The following AK9 variants were observed in gnomAD, a reference collection of about 807,000 sequenced individuals.
AK9 encodes the protein adenylate kinase 9.
Under a neutral mutation model 239.6 loss-of-function variants are expected in AK9, and 191 were observed. The ratio of observed to expected loss-of-function variants is 0.80; its 90% CI spans 0.71 to 0.90. The LOEUF (loss-of-function observed/expected upper bound fraction) is 0.90, where lower values mean the gene tolerates loss of function less well. Among genes scored for constraint, AK9 ranks in the 40% least tolerant of loss-of-function variants. AK9 has a pLI of 0.00. For synonymous variants in AK9, 689 were observed against 721.0 expected (o/e 0.96, Z 0.71); for missense variants, 1,995 against 2,214.7 (o/e 0.90, Z 1.99).
chr6:109,618,858 A>G (rs1794494414), intron 13 of AK9, among the ~76,000 whole-genome samples: 1 of 148,932 alleles, frequency 6.7e-6, no homozygotes, highest in South Asian at 2.3e-4. Context: ...TTGGAGAAAG[A>G]AATCCAAATT....
At chr6:109,513,311 T>A (rs1778940428) in intron 32 of AK9, among the ~76,000 whole-genome samples, 1 of 152,174 alleles carries the variant, frequency 6.6e-6, no homozygotes, top group Non-Finnish European at 1.5e-5. Context: ...TGGATTTGTA[T>A]CCTATATGCC....
intron 21 of AK9, among the ~76,000 whole-genome samples, chr6:109,569,057 G>A (rs917349924): frequency 1.3e-5 from 2 of 152,166 alleles, no homozygotes; most frequent in Admixed American, 6.5e-5. Flanking sequence ...AACCAAAACA[G>A]TATGGTACTG....
intron 32 of AK9, 59 bp downstream of exon 32, chr6:109,514,148 AATTGACCTGCCATGTGC>A (rs1400006268): frequency 3.0e-6 from 4 of 1,347,038 alleles, no homozygotes; most frequent in Non-Finnish European, 4.1e-6. Flanking sequence ...TGTCTTGGTG[AATTGACCTGCCATGTGC>A]ATTGGGTACA....
At chr6:109,587,111 T>C (rs935837990) in intron 17 of AK9, among the ~76,000 whole-genome samples, 1 of 152,166 alleles carries the variant, frequency 6.6e-6, no homozygotes, top group Admixed American at 6.5e-5. Flanking sequence ...TCCATCTTGC[T>C]TTTTGAATTA....
At position 109,550,311 on chromosome 6, in the gene AK9, G is replaced by A. The variant is rs754410584; in HGVS notation, c.2752-9C>T. 1.7e-5 allele frequency: 27 copies of A among 1,594,684 alleles called. No individual in the cohort carries two copies. In the East Asian group the frequency reaches 3.4e-4, roughly 20 times the overall value. On this transcript the variant is annotated splice_polypyrimidine_tract_variant and intron_variant, in intron 24 of 40. Coordinates refer to ENST00000424296, the MANE Select transcript of AK9 (RefSeq NM_001145128.3). ...TTCATTTTATCTTCACCCTAGAAAC[G>A]GTATTCAAAGTTTGGAGAACATTAA... is the stretch of plus-strand genomic sequence containing the variant.
chr6:109,523,141 G>C (rs866472281), intron 29 of AK9, among the ~76,000 whole-genome samples: 2 of 151,996 alleles, frequency 1.3e-5, no homozygotes, highest in Admixed American at 6.6e-5. Context: ...TAATATGTAT[G>C]CTATTTCTTT....
At chr6:109,588,060 CAT>C (rs1196864024) in intron 17 of AK9, among the ~76,000 whole-genome samples, 1 of 151,548 alleles carries the variant, frequency 6.6e-6, no homozygotes, top group African/African-American at 2.4e-5. Context: ...GACTTTTTTT[CAT>C]ATGTTTGCTG....
intron 5 of AK9, among the ~76,000 whole-genome samples, chr6:109,664,204 T>C (rs913157430): frequency 6.6e-6 from 1 of 152,180 alleles, no homozygotes; most frequent in Non-Finnish European, 1.5e-5. Context: ...ATATAGCCCA[T>C]GTAAGCATAA....
intron 29 of AK9, among the ~76,000 whole-genome samples, chr6:109,521,571 T>C (rs1481861140): frequency 6.6e-6 from 1 of 152,100 alleles, no homozygotes; most frequent in Non-Finnish European, 1.5e-5. Flanking sequence ...GATCAGTATT[T>C]GGTGCTTCAT....
chr6:109,644,809 A>G (rs1005396566), intron 8 of AK9, 121 bp from the exon 9 acceptor site: 2 of 663,278 alleles, frequency 3.0e-6, no homozygotes, highest in African/African-American at 3.8e-5. Flanking sequence ...TATACATGCT[A>G]TAATGTATGT....
intron 27 of AK9, among the ~76,000 whole-genome samples, chr6:109,540,435 T>A (rs1782718234): frequency 6.6e-6 from 1 of 152,178 alleles, no homozygotes; most frequent in Admixed American, 6.5e-5. Flanking sequence ...GTGTGCTGTT[T>A]GCTAAGACCA....
chr6:109,526,090 C>T (rs1188904699), intron 29 of AK9, among the ~76,000 whole-genome samples: 7 of 152,062 alleles, frequency 4.6e-5, no homozygotes, highest in Non-Finnish European at 1.0e-4. Flanking sequence ...TTTGAGTGCA[C>T]ATGGACACAA....
At chr6:109,588,195 C>T (rs566983704) in intron 17 of AK9, among the ~76,000 whole-genome samples, 7 of 152,136 alleles carry the variant, frequency 4.6e-5, no homozygotes, top group Admixed American at 1.3e-4. Context: ...CTCAGCCTCC[C>T]GTGTAGCTGG....
At chr6:109,675,998 C>A (rs1771696749) in intron 1 of AK9, among the ~76,000 whole-genome samples, 1 of 152,106 alleles carries the variant, frequency 6.6e-6, no homozygotes, top group African/African-American at 2.4e-5. Context: ...CAAAGTGTTT[C>A]TGAAAGACTA....
Position 109,553,108 on chromosome 6 carries a change from C to T in AK9, c.2752-2806G>A, listed in dbSNP as rs563066851. Among the ~76,000 whole-genome samples the T allele has an allele frequency of 2.6e-5, 4 of 152,262 alleles. No individual in the cohort carries two copies. The East Asian group carries it at 7.7e-4, about 29-fold the overall frequency. On this transcript the variant is annotated intron_variant, in intron 24 of 40. Transcript: ENST00000424296. ...TACCATGCTGTTTTGGTTACTGTAG[C>T]CTTGCAGCAAGCTTGAAGTCAGGTA...
intron 1 of AK9, among the ~76,000 whole-genome samples, chr6:109,686,046 C>T (rs879794640): frequency 1.3e-5 from 2 of 152,188 alleles, no homozygotes; most frequent in African/African-American, 4.8e-5. Flanking sequence ...GCAATGTGTG[C>T]ATCCTTTTCA....
chr6:109,587,831 TG>T (rs1789712448), intron 17 of AK9, among the ~76,000 whole-genome samples: 1 of 152,230 alleles, frequency 6.6e-6, no homozygotes, highest in Non-Finnish European at 1.5e-5. Flanking sequence ...TGCGGTTCAA[TG>T]GTAGTCTTAT....
intron 1 of AK9, among the ~76,000 whole-genome samples, chr6:109,689,019 G>T (rs760243835): frequency 3.9e-5 from 6 of 152,118 alleles, no homozygotes; most frequent in Non-Finnish European, 5.9e-5. Context: ...AGTAACCAAG[G>T]GCTTATGCTC....
chr6:109,625,357 T>C (rs879875168), intron 12 of AK9, among the ~76,000 whole-genome samples: 2 of 152,242 alleles, frequency 1.3e-5, no homozygotes, highest in Non-Finnish European at 2.9e-5. Flanking sequence ...TTGCTTCTGA[T>C]GACAAGTTGG....
Sources: gnomAD v4.1 joint callset for allele counts (sites outside exome capture counted in the v4.1 genomes callset) on GRCh38, gnomAD v4.1.1 for gene constraint, MANE v1.5 for transcripts, NCBI Gene and HGNC (gene_info 2026-07-23, HGNC 2026-07-21) for gene names.